Variants in PPP3CB observed in about 807,000 individuals in gnomAD.
The protein encoded by PPP3CB is protein phosphatase 3 catalytic subunit beta.
Under a neutral mutation model 66.4 loss-of-function variants are expected in PPP3CB, and 8 were observed. The observed-to-expected ratio is 0.12, with a 90% CI of 0.07 to 0.22. The LOEUF is 0.22. PPP3CB is among the 10% of genes least tolerant of loss of function. The pLI is 1.00. For missense variants in PPP3CB, 319 were observed against 642.5 expected (o/e 0.50, Z 5.44); for synonymous variants, 208 against 221.2 (o/e 0.94, Z 0.53).
chr10:73,466,666 A>G (rs1278288796), intron 9 of PPP3CB, among the ~76,000 whole-genome samples: 1 of 152,246 alleles, frequency 6.6e-6, no homozygotes, highest in East Asian at 1.9e-4. Context: ...AACCTGTTTA[A>G]CATACACAGT....
In PPP3CB at chr10:73,468,144, C is replaced by G. The variant is rs534969573; in HGVS notation, c.983-466G>C. Among the ~76,000 whole-genome samples the G allele has an allele frequency of 1.3e-4, 20 of 152,190 alleles. No individual in the cohort carries two copies. The South Asian group carries it at 1.9e-3, about 14-fold the overall frequency. On this transcript the variant is annotated intron_variant, in intron 8 of 13. Transcript: ENST00000360663. ...GGTAATAAAGCAAACAAAAAAATCC[C>G]ACCCATTTGGAACATTTTACTTATA...
At chr10:73,464,961 A>T (rs1301142393) in intron 9 of PPP3CB, among the ~76,000 whole-genome samples, 1 of 152,020 alleles carries the variant, frequency 6.6e-6, no homozygotes, top group Non-Finnish European at 1.5e-5. Flanking sequence ...AAAAAAAAAA[A>T]ATTAATAAAT....
At position 73,437,166 on chromosome 10, in the gene PPP3CB, T is replaced by C. The variant is rs558976927; in HGVS notation, c.*1076A>G. On this transcript the variant is annotated 3_prime_UTR_variant, in exon 14 of 14. Coordinates refer to ENST00000360663, the MANE Select transcript of PPP3CB (RefSeq NM_021132.4). The stretch of plus-strand genomic sequence containing the variant: ...TATGCTTCCACTAACATCTGAATGA[T>C]TGAACAGAACCATTGCTTCTAGGCT... 1.7e-4 allele frequency: 26 copies of C among 152,826 alleles called. No homozygotes were observed. Among genetic ancestry groups the C allele is most frequent in the Middle Eastern group, 3.4e-3 (1 of 294 alleles). The allele number at this position is 152,826 out of a possible 1,614,324, so 9.5% of individuals were successfully genotyped here.
chr10:73,469,892 C>T lies in PPP3CB; in HGVS notation c.982+795G>A, dbSNP rs551343518. On this transcript the variant is annotated intron_variant, in intron 8 of 13. Coordinates refer to ENST00000360663, the MANE Select transcript of PPP3CB (RefSeq NM_021132.4). ...ATGGCATAGTCAACTGAATTCCAGA[C>T]ATGTCAAGACAGAAGAGAAGCTGGC... Among the ~76,000 whole-genome samples the T allele has an allele frequency of 2.0e-4, 30 of 152,310 alleles. 1 individual carries two copies. Among genetic ancestry groups the T allele is most frequent in the African/African-American group, 7.0e-4 (29 of 41,578 alleles).
At chr10:73,493,548 T>C (rs1346914520) in intron 1 of PPP3CB, among the ~76,000 whole-genome samples, 6 of 152,174 alleles carry the variant, frequency 3.9e-5, no homozygotes, top group Admixed American at 2.6e-4. Context: ...AATTTAAAAG[T>C]GAATTTCTGG....
intron 1 of PPP3CB, among the ~76,000 whole-genome samples, chr10:73,485,701 G>A (rs1411962080): frequency 6.6e-6 from 1 of 151,936 alleles, no homozygotes; most frequent in Non-Finnish European, 1.5e-5. Context: ...CCTATTATAA[G>A]ATTTTGTTTT....
At chr10:73,473,749 T>TAGA (rs1157703069) in intron 4 of PPP3CB, among the ~76,000 whole-genome samples, 2,491 of 152,266 alleles carry the variant, frequency 0.016, 64 homozygotes, top group African/African-American at 0.057. Context: ...CTTACAGGTA[T>TAGA]TAGATTACCA....
intron 1 of PPP3CB, among the ~76,000 whole-genome samples, chr10:73,493,190 C>T (rs1483194446): frequency 6.6e-6 from 1 of 151,580 alleles, no homozygotes; most frequent in Non-Finnish European, 1.5e-5. Flanking sequence ...GCAGGAGAAT[C>T]GCTTGAACCC....
chr10:73,481,359 C>A (rs2056875205), intron 1 of PPP3CB, among the ~76,000 whole-genome samples: 1 of 151,100 alleles, frequency 6.6e-6, no homozygotes, highest in South Asian at 2.1e-4. Flanking sequence ...GTAGTCCCAG[C>A]TACTCAAGAG....
chr10:73,479,045 A>T (rs1333655154), intron 2 of PPP3CB, among the ~76,000 whole-genome samples: 1 of 152,232 alleles, frequency 6.6e-6, no homozygotes, highest in Non-Finnish European at 1.5e-5. Flanking sequence ...AAAGCAAAGT[A>T]AGTATTGATC....
intron 9 of PPP3CB, among the ~76,000 whole-genome samples, chr10:73,462,173 G>A (rs2056533664): frequency 9.4e-6 from 1 of 105,902 alleles, no homozygotes; most frequent in South Asian, 3.3e-4. Context: ...TTTTCAGATA[G>A]AGTCCCATTC....
At chr10:73,460,607 G>A (rs2056504954) in intron 9 of PPP3CB, among the ~76,000 whole-genome samples, 1 of 152,066 alleles carries the variant, frequency 6.6e-6, no homozygotes, top group Non-Finnish European at 1.5e-5. Flanking sequence ...ATGGATAGAA[G>A]AAAATGTTTA....
chr10:73,446,033 C>T (rs2056244422), intron 11 of PPP3CB, among the ~76,000 whole-genome samples: 1 of 152,092 alleles, frequency 6.6e-6, no homozygotes, highest in African/African-American at 2.4e-5. Context: ...AGGCGTGAGC[C>T]ACCACGCCTG....
chr10:73,493,275 CAAAA>C (rs544990577), intron 1 of PPP3CB, among the ~76,000 whole-genome samples: 1 of 105,920 alleles, frequency 9.4e-6, no homozygotes, highest in African/African-American at 3.5e-5. Context: ...AACTCCGTCT[CAAAA>C]AAAAAAAAAA....
chr10:73,474,605 T>C (rs913105962), intron 4 of PPP3CB, among the ~76,000 whole-genome samples: 23 of 150,672 alleles, frequency 1.5e-4, no homozygotes, highest in African/African-American at 5.6e-4. Flanking sequence ...GCTAATTTTT[T>C]TTTTTTGTAT....
intron 10 of PPP3CB, among the ~76,000 whole-genome samples, chr10:73,449,422 C>A (rs761413623): frequency 6.6e-6 from 1 of 152,180 alleles, no homozygotes; most frequent in South Asian, 2.1e-4. Context: ...AGTAACAGTT[C>A]TAAGAGTAGG....
chr10:73,458,040 T>A (rs1170432437), intron 9 of PPP3CB, among the ~76,000 whole-genome samples: 1 of 152,210 alleles, frequency 6.6e-6, no homozygotes, highest in Non-Finnish European at 1.5e-5. Flanking sequence ...AGTCTGGTGA[T>A]AGATACACTA....
At chr10:73,465,025 A>G (rs543069262) in intron 9 of PPP3CB, among the ~76,000 whole-genome samples, 3 of 152,266 alleles carry the variant, frequency 2.0e-5, no homozygotes, top group Admixed American at 6.5e-5. Context: ...AATATATTCT[A>G]AAGTATTTAT....
chr10:73,447,491 C>CTTCA (rs1277171572), intron 10 of PPP3CB, among the ~76,000 whole-genome samples: 2 of 152,104 alleles, frequency 1.3e-5, no homozygotes, highest in Admixed American at 1.3e-4. Flanking sequence ...TAGAGCCGTG[C>CTTCA]TTCAACACAA....
Sources: allele counts gnomAD v4.1 joint callset (sites outside exome capture counted in the v4.1 genomes callset), GRCh38; gene constraint gnomAD v4.1.1; transcripts MANE v1.5; gene names NCBI Gene and HGNC (gene_info 2026-07-23, HGNC 2026-07-21).